HMGA2: variants seen among roughly 807,000 people sequenced by gnomAD.
HMGA2 encodes the protein high mobility group protein HMGI-C.
Under a neutral mutation model 19.1 loss-of-function variants are expected in HMGA2, and 8 were observed. The ratio of observed to expected loss-of-function variants is 0.42; its 90% confidence interval spans 0.25 to 0.76. HMGA2 has a LOEUF of 0.76. HMGA2 is among the 30% of genes least tolerant of loss of function. The pLI is 0.28. For synonymous variants in HMGA2, 60 were observed against 48.8 expected, an observed-to-expected ratio of 1.23 and a Z score of -0.96; for missense variants, 109 against 136.3, an observed-to-expected ratio of 0.80 and a Z score of 1.00.
intron 3 of HMGA2, chr12:65,842,659 A>T (rs1361174350): frequency 6.5e-7 from 1 of 1,532,842 alleles, no homozygotes; most frequent in South Asian, 1.2e-5. Context: ...TGTGGTGTTC[A>T]TCAGTTTGAA....
chr12:65,825,234 A>G lies in HMGA2; in HGVS notation c.-37A>G. On this transcript the variant is annotated 5_prime_UTR_variant, in exon 1 of 5. Coordinates refer to ENST00000403681, the MANE Select transcript of HMGA2 (RefSeq NM_003483.6). The surrounding 1 kb of genome is among the most constrained non-coding windows in gnomAD (Gnocchi z 4.4). ...GGCAGCTCCGGGGCGGTCGAGGCGA[A>G]GCGGCTGCAGCGGCGGTAGCGGCGG... 6.7e-7 allele frequency: 1 copy of G among 1,499,956 alleles called. No individual in the cohort carries two copies. The highest frequency in any genetic ancestry group is 8.9e-7 in the Non-Finnish European group (1 of 1,121,844). 92.9% of individuals were successfully genotyped at this position (1,499,956 alleles called of 1,614,324 possible).
At chr12:65,871,542 T>C (rs1025490344) in intron 3 of HMGA2, among the ~76,000 whole-genome samples, 1 of 152,226 alleles carries the variant, frequency 6.6e-6, no homozygotes, top group Non-Finnish European at 1.5e-5. Flanking sequence ...TTGTTTTCCT[T>C]CTCATGAGAA....
intron 3 of HMGA2, among the ~76,000 whole-genome samples, chr12:65,939,305 T>G (rs561393533): frequency 6.6e-6 from 1 of 152,260 alleles, no homozygotes; most frequent in South Asian, 2.1e-4. Flanking sequence ...TGTGTCTTAA[T>G]GTAAATATGT....
chr12:65,926,498 A>G (rs912050314), intron 3 of HMGA2, among the ~76,000 whole-genome samples: 3 of 152,260 alleles, frequency 2.0e-5, no homozygotes, highest in African/African-American at 7.2e-5. Flanking sequence ...TTAAAGTGAT[A>G]GTAGCAAGTT....
chr12:65,842,984 C>A (rs973112685), intron 3 of HMGA2: 49 of 672,646 alleles, frequency 7.3e-5, no homozygotes, highest in South Asian at 5.7e-4. Flanking sequence ...GGAAAAGAAG[C>A]AAGAACCAAA....
At chr12:65,890,068 A>G (rs1461295096) in intron 3 of HMGA2, among the ~76,000 whole-genome samples, 1 of 152,214 alleles carries the variant, frequency 6.6e-6, no homozygotes, top group African/African-American at 2.4e-5. Context: ...GAAAAAAAGC[A>G]AAGAACCTTA....
At chr12:65,858,739 A>G (rs947343296) in intron 3 of HMGA2, 2 of 152,194 alleles carry the variant, frequency 1.3e-5, no homozygotes, top group Non-Finnish European at 2.9e-5. Context: ...AAACCACAAA[A>G]AACCTCCTAA....
At chr12:65,914,834 C>T in intron 3 of HMGA2, 1 of 448,062 alleles carries the variant, frequency 2.2e-6, no homozygotes, top group African/African-American at 2.0e-5. Flanking sequence ...ACCACCACAC[C>T]CAGCTAATTT....
rs892407845 is a variant in HMGA2 at position 65,963,402 on chromosome 12, G to A, written c.*110G>A. The A allele has an allele frequency of 2.6e-4, 127 of 490,306 alleles. 1 individual carries two copies. Among genetic ancestry groups the A allele is most frequent in the Admixed American group, 5.6e-4 (16 of 28,662 alleles). The allele number at this position is 490,306 out of a possible 1,614,324, so 30.4% of individuals were successfully genotyped here. A position where few individuals can be genotyped will look rare whatever the true frequency, so the allele number is the denominator to read the frequency against. On this transcript the variant is annotated 3_prime_UTR_variant, in exon 5 of 5. Coordinates refer to ENST00000403681, the MANE Select transcript of HMGA2 (RefSeq NM_003483.6). ...TGCCATGGTCTTTCCACTTTCATCT[G>A]GGGTGGGGTGGGGTGGGGTGGGGGA...
At chr12:65,887,127 C>A in intron 3 of HMGA2, among the ~76,000 whole-genome samples, 1 of 152,108 alleles carries the variant, frequency 6.6e-6, no homozygotes, top group Admixed American at 6.5e-5. Context: ...CGCTGACTCC[C>A]CCCCTCATAA....
At chr12:65,861,846 CTTT>C (rs1346372420) in intron 3 of HMGA2, among the ~76,000 whole-genome samples, 1 of 134,170 alleles carries the variant, frequency 7.5e-6, no homozygotes, top group Non-Finnish European at 1.6e-5. Flanking sequence ...CAACATGTTT[CTTT>C]TTTTTTTTTT....
At chr12:65,906,275 T>C (rs956547519) in intron 3 of HMGA2, among the ~76,000 whole-genome samples, 6 of 152,110 alleles carry the variant, frequency 3.9e-5, no homozygotes, top group Non-Finnish European at 7.4e-5. Flanking sequence ...GGAGGGGCGA[T>C]CCTTTGGAAG....
At chr12:65,833,414 T>G (rs1273587851) in intron 2 of HMGA2, among the ~76,000 whole-genome samples, 1 of 68,760 alleles carries the variant, frequency 1.5e-5, no homozygotes, top group Non-Finnish European at 2.2e-5. Context: ...ATTTTTCTAG[T>G]TTTTTTTTTT....
intron 3 of HMGA2, among the ~76,000 whole-genome samples, chr12:65,907,370 A>G (rs1874638703): frequency 6.8e-6 from 1 of 148,036 alleles, no homozygotes; most frequent in African/African-American, 2.5e-5. Flanking sequence ...AGATCATGCC[A>G]CTACACTCCA....
chr12:65,959,532 T>C (rs1876692092), intron 4 of HMGA2, among the ~76,000 whole-genome samples: 1 of 152,234 alleles, frequency 6.6e-6, no homozygotes, highest in Admixed American at 6.5e-5. Context: ...AGCTGCATGA[T>C]GGCTGGGAGC....
intron 2 of HMGA2, among the ~76,000 whole-genome samples, chr12:65,834,196 T>C (rs1870601386): frequency 6.6e-6 from 1 of 152,204 alleles, no homozygotes; most frequent in South Asian, 2.1e-4. Context: ...TGTTACAAGG[T>C]AGATTTCTGT....
intron 3 of HMGA2, among the ~76,000 whole-genome samples, chr12:65,841,849 C>G (rs1871011814): frequency 6.6e-6 from 1 of 152,114 alleles, no homozygotes; most frequent in Non-Finnish European, 1.5e-5. Flanking sequence ...TAATTGGGAT[C>G]CATATGGGTA....
At chr12:65,855,907 A>G (rs1456900595) in intron 3 of HMGA2, 1 of 149,696 alleles carries the variant, frequency 6.7e-6, no homozygotes, top group Non-Finnish European at 1.5e-5. Flanking sequence ...TTTTTGGACT[A>G]ATGCTTTTTG....
intron 3 of HMGA2, among the ~76,000 whole-genome samples, chr12:65,887,124 T>A (rs906376053): frequency 1.3e-5 from 2 of 151,920 alleles, no homozygotes; most frequent in East Asian, 3.9e-4. Context: ...AAACGCTGAC[T>A]CCCCCCCTCA....
Sources: gnomAD v4.1 joint callset for allele counts (sites outside exome capture counted in the v4.1 genomes callset) on GRCh38, gnomAD v4.1.1 for gene constraint, Gnocchi (gnomAD v3.1) non-coding constraint, MANE v1.5 for transcripts, NCBI Gene and HGNC (gene_info 2026-07-23, HGNC 2026-07-21) for gene names.